Variants in AFG2B observed in about 807,000 individuals in gnomAD.
The protein encoded by AFG2B is AAA ATPase AFG2B.
chr15:45,414,182 C>T, the AFG2B span, among the ~76,000 whole-genome samples: 1 of 152,204 alleles, frequency 6.6e-6, no homozygotes, highest in South Asian at 2.1e-4. Context: ...AAGGAATTGA[C>T]ACCTGCGCTG....
the AFG2B span, chr15:45,402,369 C>T: frequency 1.9e-6 from 3 of 1,552,062 alleles, no homozygotes; most frequent in Non-Finnish European, 1.7e-6. Context: ...CGGTGTTCCG[C>T]TTTTTGTGGG....
At chr15:45,420,694 TAAAA>T in the AFG2B span, among the ~76,000 whole-genome samples, 2 of 148,768 alleles carry the variant, frequency 1.3e-5, no homozygotes, top group Non-Finnish European at 3.0e-5. Context: ...CATATATTGT[TAAAA>T]AAAAAAGAAA....
the AFG2B span, among the ~76,000 whole-genome samples, chr15:45,408,636 T>C: frequency 1.6e-4 from 25 of 152,236 alleles, no homozygotes; most frequent in African/African-American, 6.0e-4. Flanking sequence ...GTTCAGGCAG[T>C]GCGCAGTTTC....
the AFG2B span, among the ~76,000 whole-genome samples, chr15:45,407,793 A>C: frequency 6.6e-6 from 1 of 152,240 alleles, no homozygotes; most frequent in Non-Finnish European, 1.5e-5. Flanking sequence ...AAGAGGGCAA[A>C]TACTTTAATA....
the AFG2B span, chr15:45,415,943 T>C: frequency 1.7e-6 from 1 of 577,926 alleles, no homozygotes; most frequent in Non-Finnish European, 2.8e-6. Flanking sequence ...GTTAGGACTT[T>C]TAGAGCTAAT....
chr15:45,418,683 G>A, the AFG2B span: 6 of 1,599,058 alleles, frequency 3.8e-6, no homozygotes, highest in Admixed American at 1.8e-5. Flanking sequence ...CTGCACAGAA[G>A]TAAGTTAATT....
At chr15:45,410,556 A>T in the AFG2B span, 1 of 1,579,788 alleles carries the variant, frequency 6.3e-7, no homozygotes, top group South Asian at 1.2e-5. Flanking sequence ...TACTTAATCC[A>T]GTAGGATATT....
At chr15:45,418,678 C>T in the AFG2B span, 17 of 1,602,348 alleles carry the variant, frequency 1.1e-5, no homozygotes, top group Non-Finnish European at 1.4e-5. Context: ...AACCTCTGCA[C>T]AGAAGTAAGT....
At chr15:45,410,564 A>G in the AFG2B span, 4 of 1,560,124 alleles carry the variant, frequency 2.6e-6, no homozygotes, top group Non-Finnish European at 3.5e-6. Flanking sequence ...CCAGTAGGAT[A>G]TTACAGATTA....
the AFG2B span, chr15:45,414,624 ACAAC>A: frequency 6.2e-6 from 10 of 1,614,042 alleles, no homozygotes; most frequent in Non-Finnish European, 8.5e-6. Context: ...TGGGCCTGAC[ACAAC>A]CAAAGGGAGT....
the AFG2B span, among the ~76,000 whole-genome samples, chr15:45,415,000 G>A: frequency 6.6e-6 from 1 of 151,582 alleles, no homozygotes; most frequent in African/African-American, 2.4e-5. Context: ...CTTTTTTTCT[G>A]TTTTAAATAA....
the AFG2B span, among the ~76,000 whole-genome samples, chr15:45,419,688 C>T: frequency 6.6e-6 from 1 of 151,900 alleles, no homozygotes; most frequent in East Asian, 1.9e-4. Flanking sequence ...TCCTTTGGGC[C>T]CTTTCCCAAC....
chr15:45,414,130 G>C, the AFG2B span, among the ~76,000 whole-genome samples: 4 of 152,172 alleles, frequency 2.6e-5, 1 homozygote, highest in South Asian at 8.3e-4. Context: ...AGTAGGAGGA[G>C]GGGGTTCCGC....
chr15:45,413,408 A>T, the AFG2B span, among the ~76,000 whole-genome samples: 1 of 152,202 alleles, frequency 6.6e-6, no homozygotes, highest in African/African-American at 2.4e-5. Context: ...AAGTTCAGCT[A>T]GTCAGCTCTG....
chr15:45,418,343 C>CAAA, the AFG2B span, among the ~76,000 whole-genome samples: 2 of 52,534 alleles, frequency 3.8e-5, no homozygotes, highest in Admixed American at 2.1e-4. Context: ...GACTCCATCT[C>CAAA]AAAAAAAAAA....
At chr15:45,410,737 C>T in the AFG2B span, among the ~76,000 whole-genome samples, 1 of 152,120 alleles carries the variant, frequency 6.6e-6, no homozygotes. Context: ...CACCTCGACC[C>T]TCTCTTTGTT....
chr15:45,407,061 G>A, the AFG2B span: 1 of 1,289,042 alleles, frequency 7.8e-7, no homozygotes, highest in Non-Finnish European at 1.0e-6. Context: ...CTCTCACTTA[G>A]GTGGACCAGT....
At chr15:45,402,412 C>A in the AFG2B span, 10 of 1,579,462 alleles carry the variant, frequency 6.3e-6, no homozygotes, top group African/African-American at 2.8e-5. Flanking sequence ...TTTCGTCTGC[C>A]TGGTTCATCT....
At chr15:45,419,303 C>T in the AFG2B span, among the ~76,000 whole-genome samples, 3 of 151,884 alleles carry the variant, frequency 2.0e-5, no homozygotes, top group African/African-American at 7.3e-5. Flanking sequence ...AAAAATTAGT[C>T]AAATGTGGTG....
Sources: gnomAD v4.1 joint callset for allele counts (sites outside exome capture counted in the v4.1 genomes callset) on GRCh38, gnomAD v4.1.1 for gene constraint, MANE v1.5 for transcripts, NCBI Gene and HGNC (gene_info 2026-07-23, HGNC 2026-07-21) for gene names.